PATJ: variants seen among roughly 807,000 people sequenced by gnomAD.
PATJ encodes PATJ crumbs cell polarity complex component.
In PATJ, 190 loss-of-function variants were observed where a neutral mutation model predicts 224.9. The observed-to-expected ratio is 0.84, with a 90% CI of 0.75 to 0.95. The LOEUF (loss-of-function observed/expected upper bound fraction) is 0.95, where lower values mean the gene tolerates loss of function less well. PATJ is among the 40% of genes least tolerant of loss of function. The pLI, the probability that PATJ is intolerant of heterozygous loss-of-function variation, is 0.00. For missense variants in PATJ, 2,121 were observed against 2,270.3 expected, an observed-to-expected ratio of 0.93 and a Z score of 1.34; for synonymous variants, 769 against 820.3, an observed-to-expected ratio of 0.94 and a Z score of 1.07.
At position 62,117,262 on chromosome 1, in the gene PATJ, C is replaced by A. The variant is rs534682983; in HGVS notation, c.4890+44C>A. The stretch of plus-strand genomic sequence containing the variant: ...TCAGACTGACTCACTCTTCTGCCCC[C>A]ACTGGGAGAAAGTTCCCCATTTAAT... On this transcript the variant is annotated intron_variant, in intron 37 of 43. Coordinates refer to ENST00000642238, the MANE Select transcript of PATJ (RefSeq NM_001350145.3). 3.0e-5 allele frequency: 48 copies of A among 1,611,564 alleles called. No homozygotes were observed. The Middle Eastern group carries it at 5.0e-4, about 17-fold the overall frequency.
intron 31 of PATJ, among the ~76,000 whole-genome samples, chr1:62,071,335 T>C (rs1657361737): frequency 6.6e-6 from 1 of 152,200 alleles, no homozygotes; most frequent in Non-Finnish European, 1.5e-5. Context: ...GTAAATATTA[T>C]TAATTGCCAG....
intron 28 of PATJ, chr1:61,991,474 C>T: frequency 3.0e-6 from 3 of 984,834 alleles, no homozygotes; most frequent in Non-Finnish European, 3.6e-6. Context: ...TTACGATTTC[C>T]TCCTCAGACT....
At chr1:61,757,198 A>C (rs1012687949) in intron 1 of PATJ, among the ~76,000 whole-genome samples, 3 of 149,842 alleles carry the variant, frequency 2.0e-5, no homozygotes, top group Non-Finnish European at 4.4e-5. Context: ...TAGCCTCCTG[A>C]GTAGATGGGA....
At chr1:62,005,731 A>G (rs61350260) in intron 28 of PATJ, among the ~76,000 whole-genome samples, 4,582 of 152,176 alleles carry the variant, frequency 0.03, 218 homozygotes, top group African/African-American at 0.1. Flanking sequence ...GTGCCACTGC[A>G]CTCCAGCCTG....
intron 1 of PATJ, among the ~76,000 whole-genome samples, chr1:61,744,096 G>A (rs1373351137): frequency 6.6e-6 from 1 of 152,000 alleles, no homozygotes; most frequent in Non-Finnish European, 1.5e-5. Flanking sequence ...CAGGAGGATC[G>A]CTTGAGGCCA....
At chr1:61,951,624 T>C (rs759631687) in intron 27 of PATJ, among the ~76,000 whole-genome samples, 39 of 152,220 alleles carry the variant, frequency 2.6e-4, no homozygotes, top group Non-Finnish European at 4.3e-4. Flanking sequence ...GTGGGTTTTC[T>C]GAAGCTACAT....
chr1:61,972,572 A>G (rs905135498), intron 27 of PATJ, among the ~76,000 whole-genome samples: 5 of 152,034 alleles, frequency 3.3e-5, no homozygotes, highest in Non-Finnish European at 5.9e-5. Flanking sequence ...ATAATTTTTA[A>G]AAGTAAGGTT....
intron 28 of PATJ, among the ~76,000 whole-genome samples, chr1:61,998,372 C>G (rs1265048982): frequency 1.3e-5 from 2 of 151,804 alleles, no homozygotes; most frequent in Non-Finnish European, 2.9e-5. Context: ...GCGTGAGCCA[C>G]TGCGCCTAGC....
At chr1:62,114,474 G>A (rs1664230139) in intron 35 of PATJ, 1 of 456,520 alleles carries the variant, frequency 2.2e-6, no homozygotes, top group African/African-American at 2.0e-5. Context: ...ATATATTTCT[G>A]TACAGAGTAA....
intron 27 of PATJ, among the ~76,000 whole-genome samples, chr1:61,969,615 T>C (rs1036392119): frequency 4.6e-5 from 7 of 152,372 alleles, no homozygotes; most frequent in Non-Finnish European, 1.0e-4. Flanking sequence ...TTCTAGATAT[T>C]ATATACCCTT....
At chr1:61,756,889 A>G (rs1259642600) in intron 1 of PATJ, among the ~76,000 whole-genome samples, 1 of 151,852 alleles carries the variant, frequency 6.6e-6, no homozygotes, top group African/African-American at 2.4e-5. Flanking sequence ...TAAATTTACA[A>G]TGAGAGTTTT....
chr1:61,828,463 C>T (rs1169764063), intron 16 of PATJ, among the ~76,000 whole-genome samples: 1 of 150,386 alleles, frequency 6.6e-6, no homozygotes, highest in Non-Finnish European at 1.5e-5. Context: ...GAACATGGCT[C>T]ACTGTAGCCT....
intron 27 of PATJ, among the ~76,000 whole-genome samples, chr1:61,957,952 A>G (rs1680672004): frequency 6.6e-6 from 1 of 152,194 alleles, no homozygotes; most frequent in Non-Finnish European, 1.5e-5. Context: ...CAAACCAAGG[A>G]TAATGCTACC....
In PATJ at chr1:61,791,459, AT is replaced by A. The variant is rs757440247; in HGVS notation, c.1168+15del. ...AACATCTCATACAGGTAAATGAATCATTTCTATTTTATATTTGGAAATTGTA... is the reference window on the plus strand; with the variant it reads ...AACATCTCATACAGGTAAATGAATCATTCTATTTTATATTTGGAAATTGTA... On this transcript the variant is annotated intron_variant, in intron 9 of 43. Transcript: ENST00000642238. The A allele has an allele frequency of 6.8e-7, 1 of 1,465,546 alleles. No individual in the cohort carries two copies. Among genetic ancestry groups the A allele is most frequent in the Non-Finnish European group, 9.5e-7 (1 of 1,050,416 alleles). The allele number at this position is 1,465,546 out of a possible 1,614,324, so 90.8% of individuals were successfully genotyped here.
intron 31 of PATJ, among the ~76,000 whole-genome samples, chr1:62,071,493 T>C (rs947693943): frequency 2.7e-5 from 4 of 147,760 alleles, no homozygotes; most frequent in African/African-American, 1.0e-4. Flanking sequence ...TAGATCACTT[T>C]TTTTTTTTTT....
chr1:62,071,494 T>TC (rs1205318181), intron 31 of PATJ, among the ~76,000 whole-genome samples: 1 of 148,622 alleles, frequency 6.7e-6, no homozygotes, highest in Non-Finnish European at 1.5e-5. Context: ...AGATCACTTT[T>TC]TTTTTTTTTT....
At chr1:61,818,751 TG>T (rs1656674430) in intron 14 of PATJ, among the ~76,000 whole-genome samples, 1 of 152,188 alleles carries the variant, frequency 6.6e-6, no homozygotes, top group Non-Finnish European at 1.5e-5. Context: ...TACAGATACC[TG>T]GGGGAATAGC....
chr1:61,835,129 A>G (rs1659960753), intron 17 of PATJ, among the ~76,000 whole-genome samples: 1 of 152,180 alleles, frequency 6.6e-6, no homozygotes, highest in Admixed American at 6.5e-5. Flanking sequence ...CTTCCTTTTT[A>G]GAATTTCTCT....
At chr1:62,073,687 G>A (rs1037518831) in intron 31 of PATJ, among the ~76,000 whole-genome samples, 3 of 151,960 alleles carry the variant, frequency 2.0e-5, no homozygotes, top group African/African-American at 7.3e-5. Context: ...AAACACCCTT[G>A]CACTTAAATA....
Sources: allele counts gnomAD v4.1 joint callset (sites outside exome capture counted in the v4.1 genomes callset), GRCh38; gene constraint gnomAD v4.1.1; transcripts MANE v1.5; gene names NCBI Gene and HGNC (gene_info 2026-07-23, HGNC 2026-07-21).